Variants in SIPA1L3 observed in about 807,000 individuals in gnomAD.
SIPA1L3 encodes signal-induced proliferation-associated 1-like protein 3.
A neutral mutation model predicts 150.1 loss-of-function variants in SIPA1L3; 59 were observed. The observed-to-expected ratio is 0.39, with a 90% CI of 0.32 to 0.49. The LOEUF (loss-of-function observed/expected upper bound fraction) is 0.49. Among genes scored for constraint, SIPA1L3 ranks in the 20% least tolerant of loss-of-function variants. The probability of loss-of-function intolerance (pLI) is 0.86; values close to 1 mark genes in which losing one functional copy is unlikely to be tolerated. For missense variants in SIPA1L3, 2,211 were observed against 2,489.5 expected (o/e 0.89, Z 2.38); for synonymous variants, 1,070 against 1,077.6 (o/e 0.99, Z 0.14).
chr19:38,092,250 G>A (rs1322729175), intron 4 of SIPA1L3, among the ~76,000 whole-genome samples: 2 of 151,884 alleles, frequency 1.3e-5, no homozygotes. Context: ...ATAGCATTAG[G>A]AGAAATACCT....
chr19:38,082,383 C>T lies in SIPA1L3; in HGVS notation c.818C>T (p.Pro273Leu). The T allele has an allele frequency of 6.3e-7, 1 of 1,598,672 alleles. No individual in the cohort carries two copies. The highest frequency in any genetic ancestry group is 8.5e-7 in the Non-Finnish European group (1 of 1,178,186). ...CAGCCCGCCAAGGACAGCCTCCTGC[C>T]ACTGCAGCCCACGAAGGAGAAGGAG... The part of the protein sequence containing the change: ...NGQPAKDSLL[P>L]LQPTKEKEKA... Residue 273 changes from proline (P) to leucine (L), a missense_variant, in exon 3 of 22, where the codon CCA becomes CTA. Coordinates refer to ENST00000222345, the MANE Select transcript of SIPA1L3 (RefSeq NM_015073.3).
At chr19:38,018,749 C>G (rs1197200095) in intron 1 of SIPA1L3, among the ~76,000 whole-genome samples, 2 of 152,094 alleles carry the variant, frequency 1.3e-5, no homozygotes, top group African/African-American at 2.4e-5. Flanking sequence ...CATTCTGGTT[C>G]TCACCACTGA....
At chr19:38,112,287 T>TGCACACATAC (rs1340784174) in intron 8 of SIPA1L3, among the ~76,000 whole-genome samples, 2 of 151,414 alleles carry the variant, frequency 1.3e-5, no homozygotes, top group Admixed American at 1.3e-4. Context: ...CACACACATA[T>TGCACACATAC]GCACACATAC....
At chr19:38,074,793 C>T (rs1969804000) in intron 2 of SIPA1L3, among the ~76,000 whole-genome samples, 1 of 152,214 alleles carries the variant, frequency 6.6e-6, no homozygotes, top group South Asian at 2.1e-4. Context: ...GAGATAGAGT[C>T]TTGCTCTATC....
chr19:38,058,236 A>G (rs1969367794), intron 2 of SIPA1L3, among the ~76,000 whole-genome samples: 1 of 152,188 alleles, frequency 6.6e-6, no homozygotes, highest in Non-Finnish European at 1.5e-5. Flanking sequence ...GCCATCTGCC[A>G]GCTGGTCCCT....
chr19:38,198,723 C>T (rs1003954498), intron 19 of SIPA1L3, among the ~76,000 whole-genome samples, 191 bp downstream of exon 19: 5 of 152,216 alleles, frequency 3.3e-5, no homozygotes, highest in Admixed American at 6.5e-5. Flanking sequence ...TTGATGCCAG[C>T]GAACCACGTT....
intron 1 of SIPA1L3, among the ~76,000 whole-genome samples, chr19:38,011,369 G>A (rs1267901135): frequency 1.3e-5 from 2 of 152,140 alleles, no homozygotes; most frequent in Non-Finnish European, 1.5e-5. Context: ...CCAGCTACTT[G>A]GGAGGCTAAG....
At chr19:38,099,294 C>A (rs1172162013) in intron 4 of SIPA1L3, among the ~76,000 whole-genome samples, 1 of 151,550 alleles carries the variant, frequency 6.6e-6, no homozygotes, top group Admixed American at 6.6e-5. Context: ...CCTTGGCCTC[C>A]CCAAAGTGCT....
In SIPA1L3 at chr19:38,090,002, G is replaced by A. The variant is rs145593796; in HGVS notation, c.1665+1151G>A. Among the ~76,000 whole-genome samples the A allele has an allele frequency of 2.0e-5, 3 of 152,216 alleles. No homozygotes were observed. In the East Asian group the frequency reaches 5.8e-4, roughly 29 times the overall value. Reference sequence around the variant, plus strand: ...TGTCATGGGAACATGGAGATGGGCTGCTCAAATCTACTTCTTTGCACTGTC... The same window carrying A: ...TGTCATGGGAACATGGAGATGGGCTACTCAAATCTACTTCTTTGCACTGTC... On this transcript the variant is annotated intron_variant, in intron 4 of 21. Coordinates refer to ENST00000222345, the MANE Select transcript of SIPA1L3 (RefSeq NM_015073.3).
intron 1 of SIPA1L3, among the ~76,000 whole-genome samples, chr19:37,960,293 A>G (rs1268895322): frequency 6.6e-6 from 1 of 152,134 alleles, no homozygotes; most frequent in East Asian, 1.9e-4. Context: ...GCTCTGTAGC[A>G]CAGGCTGGAG....
intron 1 of SIPA1L3, among the ~76,000 whole-genome samples, chr19:37,962,629 C>T (rs1389347253): frequency 6.6e-6 from 1 of 151,982 alleles, no homozygotes; most frequent in Non-Finnish European, 1.5e-5. Flanking sequence ...ACACCATGCC[C>T]AGCTTTGTGT....
intron 2 of SIPA1L3, among the ~76,000 whole-genome samples, chr19:38,075,121 A>G (rs1214131530): frequency 2.0e-5 from 3 of 152,224 alleles, no homozygotes; most frequent in South Asian, 2.1e-4. Context: ...CTATGTATAC[A>G]TGAATTTTTT....
chr19:38,139,111 G>A (rs527685458), intron 10 of SIPA1L3, among the ~76,000 whole-genome samples: 28 of 151,836 alleles, frequency 1.8e-4, no homozygotes, highest in Non-Finnish European at 2.6e-4. Flanking sequence ...CGCGAGAATC[G>A]CTGAAACCTG....
intron 1 of SIPA1L3, among the ~76,000 whole-genome samples, chr19:37,993,353 T>C (rs954327901): frequency 6.6e-6 from 1 of 152,106 alleles, no homozygotes; most frequent in African/African-American, 2.4e-5. Context: ...ATTTTTGAGA[T>C]GGAGTTTCAC....
rs761215910 is a variant in SIPA1L3 at position 38,193,705 on chromosome 19, C to G, written c.4765C>G (p.Gln1589Glu). Residue 1589 changes from glutamine (Q) to glutamate (E), a missense_variant, in exon 18 of 22, where the codon CAG (glutamine) becomes GAG (glutamate). This residue lies in a region of SIPA1L3 where 806 missense variants were observed against 870.1 expected (regional missense o/e 0.93). Coordinates refer to ENST00000222345, the MANE Select transcript of SIPA1L3 (RefSeq NM_015073.3). ...FPSSTLPARR[Q>E]HQHPHPPVGP... is the part of the protein sequence containing the mutation. ...GTCCAGCACGCTGCCTGCACGCCGCCAGCACCAGCACCCCCACCCGCCCGT... is the reference window on the plus strand; with the variant it reads ...GTCCAGCACGCTGCCTGCACGCCGCGAGCACCAGCACCCCCACCCGCCCGT... 17 of 1,571,194 alleles carry G rather than the reference C, an allele frequency of 1.1e-5. No homozygotes were observed. The African/African-American group carries it at 2.2e-4, about 20-fold the overall frequency.
chr19:37,930,808 C>T (rs558972454), intron 1 of SIPA1L3, among the ~76,000 whole-genome samples: 11 of 152,192 alleles, frequency 7.2e-5, no homozygotes, highest in Admixed American at 5.2e-4. Flanking sequence ...CATCAAAGCA[C>T]GTGACATGCT....
intron 8 of SIPA1L3, among the ~76,000 whole-genome samples, chr19:38,110,957 G>A (rs1202788764): frequency 2.0e-5 from 3 of 151,770 alleles, no homozygotes; most frequent in Non-Finnish European, 2.9e-5. Flanking sequence ...TCGGAGGGAA[G>A]CAGGGCCTAC....
chr19:38,026,942 C>A (rs975507803), intron 1 of SIPA1L3, among the ~76,000 whole-genome samples: 1 of 152,176 alleles, frequency 6.6e-6, no homozygotes, highest in Non-Finnish European at 1.5e-5. Context: ...ATTTAAACAC[C>A]TACCTGTTTC....
At chr19:38,175,382 A>G (rs937074231) in intron 15 of SIPA1L3, among the ~76,000 whole-genome samples, 7 of 152,150 alleles carry the variant, frequency 4.6e-5, no homozygotes, top group Non-Finnish European at 7.4e-5. Context: ...CCCAGGCTGA[A>G]CAGACCAAAA....
Sources: gnomAD v4.1 joint callset for allele counts (sites outside exome capture counted in the v4.1 genomes callset) on GRCh38, gnomAD v4.1.1 for gene constraint, gnomAD v4.1.1 regional missense constraint, MANE v1.5 for transcripts, NCBI Gene and HGNC (gene_info 2026-07-23, HGNC 2026-07-21) for gene names.